The following NOVA1 variants were observed in gnomAD, a reference collection of about 807,000 sequenced individuals.
The protein encoded by NOVA1 is NOVA alternative splicing regulator 1.
Under a neutral mutation model 38.0 loss-of-function variants are expected in NOVA1, and 7 were observed. The ratio of observed to expected loss-of-function variants is 0.18; its 90% CI spans 0.10 to 0.35. The LOEUF (loss-of-function observed/expected upper bound fraction) is 0.35. Among genes scored for constraint, NOVA1 ranks in the 10% least tolerant of loss-of-function variants. The pLI is 1.00. For synonymous variants in NOVA1, 270 were observed against 232.5 expected, an observed-to-expected ratio of 1.16 and a Z score of -1.47; for missense variants, 460 against 616.0, an observed-to-expected ratio of 0.75 and a Z score of 2.68.
intron 2 of NOVA1, among the ~76,000 whole-genome samples, chr14:26,501,954 A>C (rs1392702178): frequency 6.6e-6 from 1 of 151,984 alleles, no homozygotes; most frequent in Non-Finnish European, 1.5e-5. Flanking sequence ...AAGTGCTACA[A>C]GAGAAATAGT....
chr14:26,517,031 G>A (rs549116773), intron 2 of NOVA1, among the ~76,000 whole-genome samples: 2 of 151,266 alleles, frequency 1.3e-5, no homozygotes, highest in South Asian at 2.1e-4. Flanking sequence ...TCAGCCTTCC[G>A]AGTAGCTGGG....
chr14:26,567,118 A>G (rs1001808242), intron 2 of NOVA1, among the ~76,000 whole-genome samples: 9 of 152,124 alleles, frequency 5.9e-5, no homozygotes, highest in African/African-American at 2.2e-4. Context: ...ATGCCAAATT[A>G]TAATCCAAAA....
chr14:26,541,305 G>A (rs1262073271), intron 2 of NOVA1, among the ~76,000 whole-genome samples: 1 of 151,680 alleles, frequency 6.6e-6, no homozygotes, highest in East Asian at 1.9e-4. Flanking sequence ...ATTTTGTATA[G>A]GAACACAATC....
rs183837803 is a variant in NOVA1 at position 26,567,521 on chromosome 14, C to A, written c.280+27889G>T. On this transcript the variant is annotated intron_variant, in intron 2 of 4. Coordinates refer to ENST00000539517, the MANE Select transcript of NOVA1 (RefSeq NM_002515.3). ...ATGTTACCCAGGCTGGTCTCGAACT[C>A]CTGGACTCAAGCGATCCTCCTGCCT... 1.1e-4 allele frequency among the ~76,000 whole-genome samples: 17 copies of A among 152,046 alleles called. No homozygotes were observed. The East Asian group carries it at 3.3e-3, about 30-fold the overall frequency.
At chr14:26,582,604 A>G (rs1010509014) in intron 2 of NOVA1, among the ~76,000 whole-genome samples, 1 of 151,806 alleles carries the variant, frequency 6.6e-6, no homozygotes, top group African/African-American at 2.4e-5. Flanking sequence ...ATATGTTAGC[A>G]TTATTATTCC....
chr14:26,558,694 G>A (rs1188171240), intron 2 of NOVA1, among the ~76,000 whole-genome samples: 1 of 151,984 alleles, frequency 6.6e-6, no homozygotes, highest in Non-Finnish European at 1.5e-5. Context: ...TTTCTATATA[G>A]GAAAGTTATT....
At chr14:26,503,131 G>A (rs1193185317) in intron 2 of NOVA1, among the ~76,000 whole-genome samples, 2 of 151,940 alleles carry the variant, frequency 1.3e-5, no homozygotes, top group African/African-American at 4.8e-5. Flanking sequence ...AGAAAGCGAC[G>A]ATGAAACTGG....
At chr14:26,593,612 C>T (rs2138821769) in intron 2 of NOVA1, 1 of 151,932 alleles carries the variant, frequency 6.6e-6, no homozygotes. Context: ...CAACGCATTC[C>T]AGCTTTCCAT....
At chr14:26,482,750 T>C (rs1885569376) in intron 2 of NOVA1, among the ~76,000 whole-genome samples, 1 of 152,096 alleles carries the variant, frequency 6.6e-6, no homozygotes, top group Non-Finnish European at 1.5e-5. Flanking sequence ...CAGGCTGGAG[T>C]GCAGTGGTGA....
At chr14:26,458,103 GA>G (rs1272365629) in intron 4 of NOVA1, among the ~76,000 whole-genome samples, 1 of 152,044 alleles carries the variant, frequency 6.6e-6, no homozygotes, top group Non-Finnish European at 1.5e-5. Context: ...AATCGTTAGA[GA>G]AATGCAAATC....
intron 2 of NOVA1, among the ~76,000 whole-genome samples, chr14:26,564,028 A>T (rs1891982671): frequency 6.6e-6 from 1 of 152,186 alleles, no homozygotes; most frequent in East Asian, 1.9e-4. Context: ...AAGTGTGTAT[A>T]GCAAGACAAG....
At chr14:26,527,262 C>T (rs1194467693) in intron 2 of NOVA1, among the ~76,000 whole-genome samples, 1 of 152,082 alleles carries the variant, frequency 6.6e-6, no homozygotes, top group Non-Finnish European at 1.5e-5. Context: ...ATTTAGATGA[C>T]CTCGTTCCAG....
intron 2 of NOVA1, among the ~76,000 whole-genome samples, chr14:26,529,077 T>C (rs572773942): frequency 5.9e-5 from 9 of 151,976 alleles, no homozygotes; most frequent in Admixed American, 4.6e-4. Flanking sequence ...GCATATTTGC[T>C]CTCAGCCCCT....
intron 2 of NOVA1, among the ~76,000 whole-genome samples, chr14:26,518,981 T>G (rs1303450700): frequency 6.6e-6 from 1 of 152,074 alleles, no homozygotes; most frequent in Non-Finnish European, 1.5e-5. Flanking sequence ...TAGAGTTGCT[T>G]CAGAAGGAAA....
chr14:26,517,213 CT>C (rs1888535780), intron 2 of NOVA1, among the ~76,000 whole-genome samples: 2 of 152,162 alleles, frequency 1.3e-5, no homozygotes, highest in Admixed American at 1.3e-4. Context: ...CCAACTTTGC[CT>C]CTTAATACTC....
At chr14:26,557,419 A>G (rs1305476861) in intron 2 of NOVA1, among the ~76,000 whole-genome samples, 3 of 152,044 alleles carry the variant, frequency 2.0e-5, no homozygotes, top group Non-Finnish European at 2.9e-5. Flanking sequence ...CCCAGGCTTG[A>G]GTGCAGGCTG....
intron 2 of NOVA1, among the ~76,000 whole-genome samples, chr14:26,582,578 T>C (rs900974010): frequency 1.3e-5 from 2 of 151,784 alleles, no homozygotes; most frequent in East Asian, 1.9e-4. Context: ...TACTAAACCA[T>C]TGCTGGCAAT....
intron 2 of NOVA1, among the ~76,000 whole-genome samples, chr14:26,529,916 A>T (rs962459417): frequency 6.6e-6 from 1 of 151,932 alleles, no homozygotes; most frequent in East Asian, 1.9e-4. Flanking sequence ...TAAATAATAA[A>T]CTATCTGAAT....
At chr14:26,507,334 TATC>T (rs892755019) in intron 2 of NOVA1, among the ~76,000 whole-genome samples, 13 of 152,286 alleles carry the variant, frequency 8.5e-5, no homozygotes, top group African/African-American at 2.9e-4. Context: ...CTGAAAATCT[TATC>T]ATAGTAGTTT....
Sources: gnomAD v4.1 joint callset for allele counts (sites outside exome capture counted in the v4.1 genomes callset) on GRCh38, gnomAD v4.1.1 for gene constraint, MANE v1.5 for transcripts, NCBI Gene and HGNC (gene_info 2026-07-23, HGNC 2026-07-21) for gene names.